RIOK2: variants seen among roughly 807,000 people sequenced by gnomAD.
RIOK2 encodes RIO kinase 2, also known as serine/threonine-protein kinase RIO2.
In RIOK2, 46 loss-of-function variants were observed where a neutral mutation model predicts 62.4. The observed-to-expected ratio is 0.74, with a 90% CI of 0.58 to 0.94. The LOEUF is 0.94. RIOK2 is among the 40% of genes least tolerant of loss of function. RIOK2 has a pLI of 0.00. For synonymous variants in RIOK2, 197 were observed against 216.0 expected (o/e 0.91, Z 0.77); for missense variants, 574 against 658.0 (o/e 0.87, Z 1.40).
chr5:97,183,020 C>G (rs754253333), intron 1 of RIOK2, 106 bp downstream of exon 1: 1 of 1,210,140 alleles, frequency 8.3e-7, no homozygotes, highest in Non-Finnish European at 1.2e-6. Flanking sequence ...TCTGCCACGT[C>G]CCGGGTCCCA....
Position 97,162,188 on chromosome 5 carries a change from T to A in RIOK2, c.*873A>T, listed in dbSNP as rs1264006090. On this transcript the variant is annotated 3_prime_UTR_variant, in exon 10 of 10. Transcript: ENST00000283109. ...GCTGCAAGTGATCCCCTTTTCCGAC[T>A]TATGCGGCAATGAAGAGACAATAAT... 6.6e-6 allele frequency: 1 copy of A among 152,176 alleles called. No individual in the cohort carries two copies. The highest frequency in any genetic ancestry group is 6.6e-5 in the Admixed American group (1 of 15,260). 9.4% of individuals were successfully genotyped at this position (152,176 alleles called of 1,614,324 possible).
intron 1 of RIOK2, among the ~76,000 whole-genome samples, chr5:97,180,152 A>ATG (rs1561522527): frequency 2.8e-4 from 36 of 130,800 alleles, no homozygotes; most frequent in Non-Finnish European, 4.3e-4. Context: ...GTATATATAT[A>ATG]TATATATATG....
chr5:97,171,248 T>G lies in RIOK2; in HGVS notation c.737A>C (p.Asp246Ala). The G allele has an allele frequency of 6.3e-7, 1 of 1,593,716 alleles. No individual in the cohort carries two copies. Among genetic ancestry groups the G allele is most frequent in the Non-Finnish European group, 8.6e-7 (1 of 1,169,374 alleles). The change falls in exon 6 of 10, where the codon GAT becomes GCT. Residue 246 changes from aspartate to alanine, a missense_variant. Transcript: ENST00000283109. ...LDESDHITMI[D>A]FPQMVSTSHP... ...AGAAGTTGAAACCATCTGTGGAAAA[T>G]CAATCATGGTGATATGGTCACTTTC...
intron 4 of RIOK2, 82 bp from the exon 5 acceptor site, chr5:97,173,345 C>T: frequency 1.2e-6 from 1 of 842,990 alleles, no homozygotes; most frequent in Middle Eastern, 2.7e-4. Flanking sequence ...TACCTTTCTA[C>T]AACCAGAAAA....
rs1748887891 is a variant in RIOK2 at position 97,167,766 on chromosome 5, A to G, written c.1098T>C (p.Tyr366=). 1.2e-6 allele frequency: 2 copies of G among 1,614,144 alleles called. No individual in the cohort carries two copies. The highest frequency in any genetic ancestry group is 1.7e-5 in the Admixed American group (1 of 60,020). Residue 366 remains tyrosine, a synonymous_variant, in exon 8 of 10, where the codon TAT becomes TAC. Coordinates refer to ENST00000283109, the MANE Select transcript of RIOK2 (RefSeq NM_018343.3). ...GTTCAGGGTCTCCAGATGATCTGCA[A>G]TAGCAGCCCTCTGATTCTTCTAGAC... ...RNCLEESEGC[Y]CRSSGDPEQI... is the part of the protein sequence containing the mutation.
At chr5:97,177,693 A>G (rs1453114793) in intron 3 of RIOK2, 39 bp downstream of exon 3, 1 of 1,232,392 alleles carries the variant, frequency 8.1e-7, no homozygotes. Flanking sequence ...CATAAACTAA[A>G]GCAAAGAAAA....
intron 1 of RIOK2, among the ~76,000 whole-genome samples, chr5:97,180,020 TATATATA>T (rs1180039226): frequency 5.8e-5 from 4 of 69,144 alleles, no homozygotes; most frequent in African/African-American, 1.1e-4. Context: ...ATATATAATA[TATATATA>T]ATATATATAT....
At position 97,171,192 on chromosome 5, in the gene RIOK2, T is replaced by C; in HGVS notation, c.779+14A>G. Reference sequence around the variant, plus strand: ...ATAAAATAAAATAAAAATAAAAAAATAGCAAGTACGTACCACTCAGCATTG... The same window carrying C: ...ATAAAATAAAATAAAAATAAAAAAACAGCAAGTACGTACCACTCAGCATTG... On this transcript the variant is annotated intron_variant, in intron 6 of 9. Coordinates refer to ENST00000283109, the MANE Select transcript of RIOK2 (RefSeq NM_018343.3). 2.2e-6 allele frequency: 3 copies of C among 1,371,382 alleles called. No individual in the cohort carries two copies. The highest frequency in any genetic ancestry group is 2.9e-6 in the Non-Finnish European group (3 of 1,051,068). 85.0% of individuals were successfully genotyped at this position (1,371,382 alleles called of 1,614,324 possible).
chr5:97,164,873 A>G (rs1748803492), intron 9 of RIOK2, 178 bp downstream of exon 9: 1 of 387,778 alleles, frequency 2.6e-6, no homozygotes, highest in African/African-American at 2.1e-5. Context: ...ACTCTACCAC[A>G]TCCTTTGAGC....
rs145124399 is a variant in RIOK2, at chr5:97,177,180, C to G, written c.434G>C (p.Arg145Thr). ...LKNKRDYHKH[R>T]HNVSWLYLSR... ...TAAATATAGCCATGACACATTGTGC[C>G]TATGTTTATGATAATCGCGTTTGTT... Residue 145 changes from arginine (R) to threonine (T), a missense_variant, in exon 4 of 10, where the codon AGG becomes ACG. Transcript: ENST00000283109. The G allele has an allele frequency of 6.2e-7, 1 of 1,613,266 alleles. No individual in the cohort carries two copies. Among genetic ancestry groups the G allele is most frequent in the South Asian group, 1.1e-5 (1 of 91,062 alleles).
chr5:97,169,920 T>G (rs1029879654), intron 6 of RIOK2, among the ~76,000 whole-genome samples: 1 of 152,216 alleles, frequency 6.6e-6, no homozygotes, highest in Non-Finnish European at 1.5e-5. Flanking sequence ...ATAAAAATCA[T>G]GATTAGTCAT....
chr5:97,172,377 G>C (rs1460518497), intron 5 of RIOK2, among the ~76,000 whole-genome samples: 1 of 152,054 alleles, frequency 6.6e-6, no homozygotes, highest in Non-Finnish European at 1.5e-5. Context: ...GCTACTCAGG[G>C]GAAAAACCTT....
At position 97,167,824 on chromosome 5, in the gene RIOK2, A is replaced by G; in HGVS notation, c.1040T>C (p.Val347Ala). Residue 347 changes from valine (V) to alanine (A), a missense_variant, in exon 8 of 10, where the codon GTT (valine) becomes GCT (alanine). Physicochemically the swap from Val to Ala is moderately conservative, Grantham distance 64 (BLOSUM62 0). Coordinates refer to ENST00000283109, the MANE Select transcript of RIOK2 (RefSeq NM_018343.3). Reference sequence around the variant, plus strand: ...TTCACTTTCATTTTCTGACCCGTAAACCTCTGCTTTTTCTGCCACTTCTCC... The same window carrying G: ...TTCACTTTCATTTTCTGACCCGTAAGCCTCTGCTTTTTCTGCCACTTCTCC... ...SDGEVAEKAE[V>A]YGSENESERN... The G allele has an allele frequency of 6.2e-7, 1 of 1,613,968 alleles. No homozygotes were observed. The highest frequency in any genetic ancestry group is 8.5e-7 in the Non-Finnish European group (1 of 1,179,968).
Position 97,175,059 on chromosome 5 carries a change from AAAATAAAT to A in RIOK2, c.499-1804_499-1797del, listed in dbSNP as rs78028300. Among the ~76,000 whole-genome samples, 850 of 151,116 alleles carry A rather than the reference AAAATAAAT, an allele frequency of 5.6e-3. 7 individuals are homozygous for A. The highest frequency in any genetic ancestry group is 0.019 in the African/African-American group (782 of 41,074). On this transcript the variant is annotated intron_variant, in intron 4 of 9. Transcript: ENST00000283109. ...GGTGACAGAGTGAGACCTTGTCTTG[AAAATAAAT>A]AAATAAATAAATAAATAAATAAAAG...
At chr5:97,180,037 T>TAAAA (rs1491356019) in intron 1 of RIOK2, among the ~76,000 whole-genome samples, 1 of 63,490 alleles carries the variant, frequency 1.6e-5, no homozygotes, top group African/African-American at 6.5e-5. Context: ...AATATATATA[T>TAAAA]TATATATATA....
At chr5:97,183,095 G>A in intron 1 of RIOK2, 31 bp downstream of exon 1, 1 of 1,611,842 alleles carries the variant, frequency 6.2e-7, no homozygotes, top group Non-Finnish European at 8.5e-7. Flanking sequence ...GTGTTAAGGG[G>A]AAGGGAGAAC....
chr5:97,180,892 T>C (rs528042883), intron 1 of RIOK2, among the ~76,000 whole-genome samples: 1 of 152,194 alleles, frequency 6.6e-6, no homozygotes, highest in South Asian at 2.1e-4. Context: ...TTATTATTTT[T>C]TTTTTTTATA....
At chr5:97,175,455 T>A (rs1261561237) in intron 4 of RIOK2, among the ~76,000 whole-genome samples, 3 of 152,176 alleles carry the variant, frequency 2.0e-5, no homozygotes, top group African/African-American at 7.2e-5. Context: ...CATTAAGGAG[T>A]GCATTTATGT....
chr5:97,171,205 C>T lies in RIOK2; in HGVS notation c.779+1G>A. On this transcript the variant is annotated splice_donor_variant, in intron 6 of 9. Transcript: ENST00000283109. LOFTEE classifies it high-confidence loss of function. Reference sequence around the variant, plus strand: ...AAAATAAAAAAATAGCAAGTACGTACCACTCAGCATTGGGATGAGAAGTTG... The same window carrying T: ...AAAATAAAAAAATAGCAAGTACGTATCACTCAGCATTGGGATGAGAAGTTG... The T allele has an allele frequency of 1.3e-6, 2 of 1,489,692 alleles. No homozygotes were observed. The highest frequency in any genetic ancestry group is 1.8e-6 in the Non-Finnish European group (2 of 1,117,826). 92.3% of individuals were successfully genotyped at this position (1,489,692 alleles called of 1,614,324 possible).
Sources: gnomAD v4.1 joint callset for allele counts (sites outside exome capture counted in the v4.1 genomes callset) on GRCh38, gnomAD v4.1.1 for gene constraint, MANE v1.5 for transcripts, NCBI Gene and HGNC (gene_info 2026-07-23, HGNC 2026-07-21) for gene names.